The following CNNM2 variants were observed in gnomAD, a reference collection of about 807,000 sequenced individuals.
CNNM2 encodes the protein metal transporter CNNM2.
Under a neutral mutation model 66.9 loss-of-function variants are expected in CNNM2, and 12 were observed. The observed-to-expected ratio is 0.18, with a 90% CI of 0.11 to 0.29. CNNM2 has a LOEUF of 0.29. Ranked by LOEUF, CNNM2 falls within the 10% of genes least tolerant of loss-of-function variation. The pLI is 1.00. For missense variants in CNNM2, 705 were observed against 1,167.7 expected (o/e 0.60, Z 5.77); for synonymous variants, 557 against 501.8 (o/e 1.11, Z -1.47).
intron 1 of CNNM2, among the ~76,000 whole-genome samples, chr10:103,028,250 G>A (rs1457723096): frequency 2.6e-5 from 4 of 152,178 alleles, no homozygotes; most frequent in Admixed American, 1.3e-4. Flanking sequence ...CTTTACGGAA[G>A]CAAATGAATG....
chr10:103,009,602 G>T (rs1704632994), intron 1 of CNNM2, among the ~76,000 whole-genome samples: 1 of 148,530 alleles, frequency 6.7e-6, no homozygotes, highest in Admixed American at 6.8e-5. Flanking sequence ...GAGGCAGGAG[G>T]ATCGCTTGAG....
At chr10:103,011,417 C>A (rs2064339954) in intron 1 of CNNM2, among the ~76,000 whole-genome samples, 1 of 151,970 alleles carries the variant, frequency 6.6e-6, no homozygotes, top group African/African-American at 2.4e-5. Context: ...TGTGCCACTG[C>A]ATTCCAGCCT....
chr10:103,037,533 T>A (rs1210753895), intron 1 of CNNM2, among the ~76,000 whole-genome samples: 1 of 152,052 alleles, frequency 6.6e-6, no homozygotes, highest in African/African-American at 2.4e-5. Flanking sequence ...CAGGGTCAAA[T>A]TATTAAATGA....
intron 1 of CNNM2, among the ~76,000 whole-genome samples, chr10:102,996,073 A>G (rs2063996192): frequency 6.6e-6 from 1 of 152,100 alleles, no homozygotes; most frequent in South Asian, 2.1e-4. Context: ...GAATTATCGT[A>G]TTATCCTACT....
intron 1 of CNNM2, among the ~76,000 whole-genome samples, chr10:102,982,890 T>G (rs1322964917): frequency 1.3e-5 from 2 of 152,150 alleles, no homozygotes; most frequent in Admixed American, 1.3e-4. Context: ...AATCTTGGAA[T>G]GTATGGAAAA....
In CNNM2 at chr10:102,948,062, AAAAC is replaced by A. The variant is rs550636478; in HGVS notation, c.1621+27967_1621+27970del. On this transcript the variant is annotated intron_variant, in intron 1 of 7. Transcript: ENST00000369878. ...GCGAGACTCCCTCTCAAAAAACAAA[AAAAC>A]AAACACAAACAAAAACCCCACACAG... 4.1e-3 allele frequency among the ~76,000 whole-genome samples: 621 copies of A among 152,256 alleles called. 2 individuals carry two copies. Among genetic ancestry groups the A allele is most frequent in the Non-Finnish European group, 6.8e-3 (465 of 68,006 alleles).
chr10:102,924,408 C>T (rs1423924930), intron 1 of CNNM2, among the ~76,000 whole-genome samples: 3 of 152,292 alleles, frequency 2.0e-5, no homozygotes, highest in Admixed American at 1.3e-4. Flanking sequence ...CTTAGCCAGC[C>T]TCTTTTCTAG....
chr10:103,002,527 T>C (rs1481942716), intron 1 of CNNM2, among the ~76,000 whole-genome samples: 1 of 149,330 alleles, frequency 6.7e-6, no homozygotes, highest in Non-Finnish European at 1.5e-5. Flanking sequence ...TCGCCCAGGC[T>C]GGAGTGCAAT....
At chr10:102,951,922 G>T (rs545452847) in intron 1 of CNNM2, among the ~76,000 whole-genome samples, 72 of 152,052 alleles carry the variant, frequency 4.7e-4, no homozygotes, top group African/African-American at 1.6e-3. Context: ...TCCTGCCTCA[G>T]CCTCCCGAGG....
intron 1 of CNNM2, among the ~76,000 whole-genome samples, chr10:102,959,386 T>C (rs953493231): frequency 1.3e-5 from 2 of 152,178 alleles, no homozygotes; most frequent in African/African-American, 4.8e-5. Context: ...CTGGTCTATA[T>C]CTGGAATATT....
At chr10:102,950,021 A>G (rs931178084) in intron 1 of CNNM2, among the ~76,000 whole-genome samples, 4 of 152,164 alleles carry the variant, frequency 2.6e-5, no homozygotes, top group South Asian at 2.1e-4. Context: ...AGAACTTACT[A>G]TCTAATAGGG....
Position 102,918,931 on chromosome 10 carries a change from G to C in CNNM2, c.451G>C (p.Gly151Arg). The C allele has an allele frequency of 6.2e-7, 1 of 1,612,086 alleles. No individual in the cohort carries two copies. Among genetic ancestry groups the C allele is most frequent in the Non-Finnish European group, 8.5e-7 (1 of 1,179,354 alleles). The change falls in exon 1 of 8, where the codon GGC (glycine) becomes CGC (arginine). Residue 151 changes from glycine (G) to arginine (R), a missense_variant. By Grantham distance (125) the Gly-to-Arg change is moderately radical (BLOSUM62 -2). This residue lies in a region of CNNM2 where 100 missense variants were observed against 151.9 expected (regional missense o/e 0.66). Transcript: ENST00000369878. This position sits in a 1 kb window ranked among gnomAD's most constrained non-coding sequence, Gnocchi z 4.1. ...PEPDSGPQRC[G>R]IRTSDIIILP... ...GCCGGACAGCGGCCCCCAGCGATGC[G>C]GCATCCGCACCTCAGACATCATCAT...
At chr10:102,995,085 C>T (rs534919884) in intron 1 of CNNM2, among the ~76,000 whole-genome samples, 5 of 144,616 alleles carry the variant, frequency 3.5e-5, no homozygotes, top group South Asian at 2.3e-4. Flanking sequence ...TGCCCACATG[C>T]GTTTGGTTTT....
chr10:102,958,262 TCTAA>T (rs1055865426), intron 1 of CNNM2, among the ~76,000 whole-genome samples: 9 of 151,890 alleles, frequency 5.9e-5, no homozygotes, highest in Middle Eastern at 3.2e-3. Context: ...GCCTGTTTTT[TCTAA>T]CTGTGTTGAA....
chr10:103,075,170 G>T (rs1029918177), intron 6 of CNNM2, among the ~76,000 whole-genome samples: 2 of 152,210 alleles, frequency 1.3e-5, no homozygotes, highest in African/African-American at 4.8e-5. Flanking sequence ...GAGGGCAGCT[G>T]TCAGGGACAC....
chr10:102,989,619 A>G (rs1302058414), intron 1 of CNNM2, among the ~76,000 whole-genome samples: 1 of 152,028 alleles, frequency 6.6e-6, no homozygotes, highest in Non-Finnish European at 1.5e-5. Flanking sequence ...CCTGGCCAAC[A>G]TGGCGAAACC....
intron 1 of CNNM2, among the ~76,000 whole-genome samples, chr10:102,978,781 C>T (rs1438029088): frequency 1.3e-5 from 2 of 152,198 alleles, no homozygotes; most frequent in African/African-American, 4.8e-5. Flanking sequence ...CTTCCAGTCC[C>T]TGTCCCAAGG....
At chr10:102,959,902 A>G (rs938980223) in intron 1 of CNNM2, among the ~76,000 whole-genome samples, 22 of 152,058 alleles carry the variant, frequency 1.4e-4, no homozygotes, top group Admixed American at 1.4e-3. Context: ...AATACAAAAA[A>G]TTAGCCGGGC....
rs77273695 is a variant in CNNM2, at chr10:102,944,773, C to T, written c.1621+24672C>T. Among the ~76,000 whole-genome samples, 4,513 of 152,228 alleles carry T rather than the reference C, an allele frequency of 0.03. 204 individuals carry two copies. The highest frequency in any genetic ancestry group is 0.12 in the Admixed American group (1,858 of 15,268). On this transcript the variant is annotated intron_variant, in intron 1 of 7. Transcript: ENST00000369878. The stretch of plus-strand genomic sequence containing the variant: ...CCACGAAATTTAATGTCAGTACAAA[C>T]ATATTATCTAATATTCAGTCCACAT...
Sources: allele counts gnomAD v4.1 joint callset (sites outside exome capture counted in the v4.1 genomes callset), GRCh38; gene constraint gnomAD v4.1.1; regional missense constraint gnomAD v4.1.1; non-coding constraint Gnocchi (gnomAD v3.1); transcripts MANE v1.5; gene names NCBI Gene and HGNC (gene_info 2026-07-23, HGNC 2026-07-21).